DAB1: variants seen among roughly 807,000 people sequenced by gnomAD.
The protein encoded by DAB1 is disabled homolog 1.
In DAB1, 15 loss-of-function variants were observed where a neutral mutation model predicts 64.6. That is an observed-to-expected ratio of 0.23 (90% CI 0.16 to 0.36). The LOEUF (loss-of-function observed/expected upper bound fraction) is 0.36, where lower values mean the gene tolerates loss of function less well. Among genes scored for constraint, DAB1 ranks in the 10% least tolerant of loss-of-function variants. The pLI is 1.00. For synonymous variants in DAB1, 235 were observed against 251.9 expected (o/e 0.93, Z 0.64); for missense variants, 596 against 706.7 (o/e 0.84, Z 1.78).
intron 3 of DAB1, among the ~76,000 whole-genome samples, chr1:58,416,853 T>C (rs1644726084): frequency 6.6e-6 from 1 of 152,130 alleles, no homozygotes; most frequent in African/African-American, 2.4e-5. Flanking sequence ...GTGGAAGATG[T>C]AGCATGCAAA....
intron 3 of DAB1, among the ~76,000 whole-genome samples, chr1:58,456,073 G>T (rs1355464421): frequency 6.6e-6 from 1 of 152,252 alleles, no homozygotes; most frequent in Non-Finnish European, 1.5e-5. Context: ...GTTTTGTGGA[G>T]ATGAAATTAC....
rs377375962 is a variant in DAB1 at position 58,036,827 on chromosome 1, G to C, written n.387+113684C>G. Among the ~76,000 whole-genome samples, 10 of 152,256 alleles carry C rather than the reference G, an allele frequency of 6.6e-5. No individual in the cohort carries two copies. In the East Asian group the frequency reaches 1.4e-3, roughly 21 times the overall value. On this transcript the variant is annotated intron_variant and non_coding_transcript_variant, in intron 5 of 20. Transcript: ENST00000485760. ...ATTCAAGTATTAAGAGAGGCTATTT[G>C]TGGCAAGAAGCCTAGATTATCTTCT... is the stretch of plus-strand genomic sequence containing the variant.
intron 5 of DAB1, among the ~76,000 whole-genome samples, chr1:58,050,593 A>T (rs1391892596): frequency 6.6e-6 from 1 of 152,032 alleles, no homozygotes; most frequent in Non-Finnish European, 1.5e-5. Context: ...GCAGTGGCGC[A>T]ATCTCGGCTC....
At chr1:58,219,697 G>T (rs939257873) in intron 4 of DAB1, among the ~76,000 whole-genome samples, 1 of 152,162 alleles carries the variant, frequency 6.6e-6, no homozygotes, top group African/African-American at 2.4e-5. Context: ...TGGCCTCCCT[G>T]TACATGCACC....
At chr1:56,999,560 G>A (rs946435053) in intron 14 of DAB1, among the ~76,000 whole-genome samples, 3 of 152,166 alleles carry the variant, frequency 2.0e-5, no homozygotes, top group African/African-American at 7.2e-5. Flanking sequence ...GTTCTGAAAG[G>A]TTGTGTGATC....
At chr1:57,893,028 G>GTGTC (rs1644340725) in intron 5 of DAB1, among the ~76,000 whole-genome samples, 1 of 129,630 alleles carries the variant, frequency 7.7e-6, no homozygotes, top group African/African-American at 3.0e-5. Flanking sequence ...TAAGCCTAGG[G>GTGTC]TGTCACCTGA....
intron 7 of DAB1, among the ~76,000 whole-genome samples, chr1:57,535,013 C>T (rs1558469964): frequency 6.6e-6 from 1 of 152,180 alleles, no homozygotes; most frequent in African/African-American, 2.4e-5. Flanking sequence ...ATGCTCATCC[C>T]CAAGCCTCTT....
intron 3 of DAB1, among the ~76,000 whole-genome samples, chr1:58,490,926 C>T (rs1645674139): frequency 6.7e-6 from 1 of 150,068 alleles, no homozygotes; most frequent in South Asian, 2.1e-4. Flanking sequence ...CTGCCTCAGC[C>T]TTCCGAGTAG....
chr1:57,802,912 T>G (rs962964825), intron 6 of DAB1, among the ~76,000 whole-genome samples: 1 of 152,220 alleles, frequency 6.6e-6, no homozygotes. Context: ...GTCCTGCATC[T>G]GGCCTAAATA....
chr1:57,531,764 CAA>C (rs764105138), intron 7 of DAB1, among the ~76,000 whole-genome samples: 14 of 152,248 alleles, frequency 9.2e-5, no homozygotes, highest in Non-Finnish European at 1.9e-4. Flanking sequence ...TGAGAAAAAC[CAA>C]AGTCCTTATT....
At position 57,226,897 on chromosome 1, in the gene DAB1, G is replaced by T. The variant is rs563693386; in HGVS notation, c.67+64067C>A. Among the ~76,000 whole-genome samples the T allele has an allele frequency of 9.9e-5, 15 of 152,000 alleles. No individual in the cohort carries two copies. In the South Asian group the frequency reaches 3.1e-3, roughly 32 times the overall value. ...TTCATTCTTTAAATCCAATAAATGG[G>T]CCTGGTGCAGTGGCTTATGCCTGTA... On this transcript the variant is annotated intron_variant, in intron 2 of 14. Coordinates refer to ENST00000371236, the MANE Select transcript of DAB1 (RefSeq NM_001365792.1).
intron 1 of DAB1, among the ~76,000 whole-genome samples, chr1:57,865,284 A>G (rs2101948234): frequency 6.6e-6 from 1 of 152,322 alleles, no homozygotes; most frequent in South Asian, 2.1e-4. Context: ...AGGAGCTAGA[A>G]AAGGCAGTCC....
In DAB1 at chr1:58,408,529, T is replaced by C. The variant is rs555557463; in HGVS notation, n.258-65126A>G. Among the ~76,000 whole-genome samples the C allele has an allele frequency of 2.6e-5, 4 of 152,328 alleles. No homozygotes were observed. The South Asian group carries it at 8.3e-4, about 32-fold the overall frequency. ...TCTATCCGTAGTGTCCAGGGCAGTG[T>C]CTGTCAAAATGTGTATTAAGTGATT... On this transcript the variant is annotated intron_variant and non_coding_transcript_variant, in intron 3 of 20. Coordinates refer to the DAB1 transcript ENST00000485760.
intron 4 of DAB1, among the ~76,000 whole-genome samples, chr1:57,077,601 CT>C (rs996569952): frequency 2.6e-5 from 4 of 152,124 alleles, no homozygotes; most frequent in African/African-American, 4.8e-5. Context: ...ATCATTAAAT[CT>C]TTTTTTCTTT....
At chr1:57,157,350 C>T (rs149807368) in intron 2 of DAB1, among the ~76,000 whole-genome samples, 2 of 152,260 alleles carry the variant, frequency 1.3e-5, no homozygotes, top group African/African-American at 2.4e-5. Context: ...GATACTTAAA[C>T]ATCTAAGGAG....
chr1:57,949,459 T>TTATCTATCTATCTATC (rs71051263), intron 5 of DAB1, among the ~76,000 whole-genome samples: 9 of 146,260 alleles, frequency 6.2e-5, no homozygotes, highest in Admixed American at 1.4e-4. Flanking sequence ...AAGCAATTCT[T>TTATCTATCTATCTATC]TATCTATCTA....
intron 1 of DAB1, chr1:58,546,543 C>T (rs1200701120): frequency 6.6e-6 from 1 of 151,396 alleles, no homozygotes; most frequent in Non-Finnish European, 1.5e-5. Flanking sequence ...CCACCCACGC[C>T]TCCTCCCGTA....
At chr1:58,053,890 T>C (rs1017327025) in intron 5 of DAB1, among the ~76,000 whole-genome samples, 11 of 152,262 alleles carry the variant, frequency 7.2e-5, no homozygotes, top group African/African-American at 2.7e-4. Flanking sequence ...CCATACTCGC[T>C]GTTGATCTCT....
chr1:57,269,050 C>G (rs1379094600), intron 2 of DAB1, among the ~76,000 whole-genome samples: 1 of 151,968 alleles, frequency 6.6e-6, no homozygotes, highest in Non-Finnish European at 1.5e-5. Context: ...TTAGAGAGAT[C>G]GAGAGAGGGC....
Sources: allele counts gnomAD v4.1 joint callset (sites outside exome capture counted in the v4.1 genomes callset), GRCh38; gene constraint gnomAD v4.1.1; transcripts MANE v1.5; gene names NCBI Gene and HGNC (gene_info 2026-07-23, HGNC 2026-07-21).